The following SPEF2 variants were observed in gnomAD, a reference collection of about 807,000 sequenced individuals.
SPEF2 encodes sperm flagella and cilia-associated protein 2.
Under a neutral mutation model 224.6 loss-of-function variants are expected in SPEF2, and 187 were observed. The ratio of observed to expected loss-of-function variants is 0.83; its 90% CI spans 0.74 to 0.94. The LOEUF (loss-of-function observed/expected upper bound fraction) is 0.94, where lower values mean the gene tolerates loss of function less well. SPEF2 is among the 40% of genes least tolerant of loss of function. The probability of loss-of-function intolerance (pLI) is 0.00; values close to 1 mark genes in which losing one functional copy is unlikely to be tolerated. For missense variants in SPEF2, 2,170 were observed against 2,135.6 expected, an observed-to-expected ratio of 1.02 and a Z score of -0.32; for synonymous variants, 715 against 707.3, an observed-to-expected ratio of 1.01 and a Z score of -0.17.
At chr5:35,716,228 T>C (rs957679125) in intron 20 of SPEF2, among the ~76,000 whole-genome samples, 6 of 152,094 alleles carry the variant, frequency 3.9e-5, no homozygotes, top group African/African-American at 1.2e-4. Flanking sequence ...TGGGTTTGTA[T>C]AACTAGAGCT....
intron 2 of SPEF2, among the ~76,000 whole-genome samples, chr5:35,631,865 G>A (rs1173614108): frequency 1.3e-5 from 2 of 152,144 alleles, no homozygotes; most frequent in Non-Finnish European, 2.9e-5. Context: ...TAATATGCAG[G>A]CATTGTATTA....
intron 21 of SPEF2, among the ~76,000 whole-genome samples, chr5:35,738,417 C>A (rs1238227623): frequency 6.6e-6 from 1 of 151,484 alleles, no homozygotes; most frequent in Non-Finnish European, 1.5e-5. Context: ...GATCCAGTTT[C>A]AGCTTTCTAC....
chr5:35,703,159 T>C (rs1739032540), intron 16 of SPEF2, among the ~76,000 whole-genome samples: 1 of 151,804 alleles, frequency 6.6e-6, no homozygotes. Flanking sequence ...TATATATATA[T>C]GAAAGAGCTC....
At chr5:35,667,934 A>G (rs2172754) in intron 9 of SPEF2, among the ~76,000 whole-genome samples, 106,184 of 151,922 alleles carry the variant, frequency 0.7, 37,580 homozygotes, top group East Asian at 0.87. Flanking sequence ...AGTCATTAGA[A>G]AATTTCAAAT....
intron 10 of SPEF2, among the ~76,000 whole-genome samples, chr5:35,674,334 C>CTTTTTTT (rs1208992808): frequency 1.5e-5 from 1 of 65,002 alleles, no homozygotes; most frequent in Non-Finnish European, 3.1e-5. Flanking sequence ...CTCTTTTCGT[C>CTTTTTTT]TTCTTTTTTT....
At chr5:35,710,284 A>C (rs11958367) in intron 19 of SPEF2, 3 of 979,694 alleles carry the variant, frequency 3.1e-6, no homozygotes, top group Non-Finnish European at 2.4e-6. Context: ...CAGGCCAAGC[A>C]TGGTGGCTCA....
At chr5:35,751,474 G>A (rs1749646280) in intron 23 of SPEF2, among the ~76,000 whole-genome samples, 1 of 151,368 alleles carries the variant, frequency 6.6e-6, no homozygotes, top group Non-Finnish European at 1.5e-5. Flanking sequence ...GAAAAATAAG[G>A]TAATTAATTA....
chr5:35,764,763 T>C (rs974091469), intron 26 of SPEF2: 3 of 455,326 alleles, frequency 6.6e-6, no homozygotes, highest in African/African-American at 4.0e-5. Flanking sequence ...GGCTTCTTTT[T>C]CTCTGACCTT....
chr5:35,800,147 G>A lies in SPEF2; in HGVS notation c.5010G>A (p.Lys1670=). ...AAGCTTCCATTCCAAGTGCAGAAAA[G>A]GTAATTGCATTCCAGAAATAGACTA... is the stretch of plus-strand genomic sequence containing the variant. ...QVKASIPSAE[K]TSSTDAGPAE... is the part of the protein sequence containing the mutation. The change falls in exon 34 of 37, where the codon AAG becomes AAA. Residue 1670 remains lysine, a splice_region_variant and synonymous_variant. Transcript: ENST00000356031. 1 of 1,613,984 alleles carries A rather than the reference G, an allele frequency of 6.2e-7. No individual in the cohort carries two copies.
At chr5:35,686,571 C>T (rs1398990558) in intron 10 of SPEF2, among the ~76,000 whole-genome samples, 1 of 152,008 alleles carries the variant, frequency 6.6e-6, no homozygotes, top group African/African-American at 2.4e-5. Context: ...ACTATTACAG[C>T]AATTTTGGAC....
chr5:35,773,920 C>A lies in SPEF2; in HGVS notation c.3977C>A (p.Thr1326Asn). ...KGKSPPMAEA[T>N]PVIVTTEEIA... ...AAATCACCACCTATGGCAGAAGCAA[C>A]TCCTGTCATAGTAACAACAGAGGAA... The change falls in exon 28 of 37, where the codon ACT becomes AAT. Residue 1326 changes from threonine to asparagine, a missense_variant. By Grantham distance (65) the Thr-to-Asn change is moderately conservative. Transcript: ENST00000356031. The A allele has an allele frequency of 6.2e-7, 1 of 1,613,010 alleles. No homozygotes were observed. The highest frequency in any genetic ancestry group is 8.5e-7 in the Non-Finnish European group (1 of 1,179,494).
rs1415507945 is a variant in SPEF2 at position 35,656,996 on chromosome 5, T to C, written c.979-2023T>C. On this transcript the variant is annotated intron_variant, in intron 7 of 36. Transcript: ENST00000356031. ...GAGATCCTGGTCCACAGTGGTGGAA[T>C]GGGAAATTCTTATGTGTACAATGGC... 2.6e-5 allele frequency among the ~76,000 whole-genome samples: 4 copies of C among 152,224 alleles called. No individual in the cohort carries two copies. In the East Asian group the frequency reaches 7.7e-4, roughly 29 times the overall value.
At position 35,814,584 on chromosome 5, in the gene SPEF2, C is replaced by CA. The variant is rs1352454126; in HGVS notation, c.*33dup. The CA allele has an allele frequency of 1.4e-5, 20 of 1,423,768 alleles. No homozygotes were observed. The Middle Eastern group carries it at 5.3e-4, about 38-fold the overall frequency. 88.2% of individuals were successfully genotyped at this position (1,423,768 alleles called of 1,614,324 possible). On this transcript the variant is annotated 3_prime_UTR_variant, in exon 37 of 37. Transcript: ENST00000356031. ...AAAGAGTGTGATTTTTTTAATTCTG[C>CA]AATAAATCTTCCAAAAATTAAATGT...
chr5:35,628,326 T>C (rs1580018139), intron 1 of SPEF2, 134 bp from the exon 2 acceptor site: 1 of 478,118 alleles, frequency 2.1e-6, no homozygotes, highest in East Asian at 3.4e-5. Context: ...AAAAGATGTT[T>C]CTAGAAATAT....
chr5:35,672,832 G>T (rs1751372021), intron 10 of SPEF2, among the ~76,000 whole-genome samples: 1 of 152,032 alleles, frequency 6.6e-6, no homozygotes, highest in Admixed American at 6.6e-5. Flanking sequence ...TCCCAGTTTT[G>T]AGTTTGTGCT....
At chr5:35,712,752 A>G in intron 19 of SPEF2, 60 bp from the exon 20 acceptor site, 1 of 1,526,852 alleles carries the variant, frequency 6.5e-7, no homozygotes, top group South Asian at 1.1e-5. Flanking sequence ...GCTTACAATC[A>G]TATAGCCCAG....
chr5:35,802,312 G>T (rs1313912079), intron 34 of SPEF2, among the ~76,000 whole-genome samples: 1 of 152,142 alleles, frequency 6.6e-6, no homozygotes, highest in African/African-American at 2.4e-5. Context: ...GCAAGGCCCA[G>T]GTTATAACCA....
At chr5:35,654,515 C>A in intron 6 of SPEF2, 25 bp from the exon 7 acceptor site, 1 of 1,512,152 alleles carries the variant, frequency 6.6e-7, no homozygotes, top group Non-Finnish European at 8.8e-7. Context: ...ATTTAAAAAT[C>A]TAAAATAAAA....
In SPEF2 at chr5:35,629,143, G is replaced by A. The variant is rs382017; in HGVS notation, c.161+581G>A. Among the ~76,000 whole-genome samples the A allele has an allele frequency of 5.3e-3, 721 of 136,548 alleles. 21 individuals are homozygous for A. The highest frequency in any genetic ancestry group is 0.019 in the African/African-American group (685 of 35,162). The allele number at this position is 136,548 out of a possible 152,430, so 89.6% of individuals were successfully genotyped here. On this transcript the variant is annotated intron_variant, in intron 2 of 36. Coordinates refer to ENST00000356031, the MANE Select transcript of SPEF2 (RefSeq NM_024867.4). The stretch of plus-strand genomic sequence containing the variant: ...CAGATTACTTTCTGTTTTGTTAATC[G>A]ATTGTTCCTTTTTTTTTTTTTTTTT...
Sources: gnomAD v4.1 joint callset for allele counts (sites outside exome capture counted in the v4.1 genomes callset) on GRCh38, gnomAD v4.1.1 for gene constraint, MANE v1.5 for transcripts, NCBI Gene and HGNC (gene_info 2026-07-23, HGNC 2026-07-21) for gene names.